The following DCHS2 variants were observed in gnomAD, a reference collection of about 807,000 sequenced individuals.
DCHS2 encodes dachsous cadherin-related 2.
Under a neutral mutation model 182.4 loss-of-function variants are expected in DCHS2, and 142 were observed. The ratio of observed to expected loss-of-function variants is 0.78; its 90% CI spans 0.68 to 0.89. DCHS2 has a LOEUF of 0.89. Ranked by LOEUF, DCHS2 falls within the 40% of genes least tolerant of loss-of-function variation. The pLI is 0.00. For missense variants in DCHS2, 4,319 were observed against 4,198.6 expected (o/e 1.03, Z -0.79); for synonymous variants, 1,740 against 1,663.3 (o/e 1.05, Z -1.12).
In DCHS2 at chr4:154,489,982, A is replaced by G; in HGVS notation, c.1374T>C (p.Leu458=). Reference sequence around the variant, plus strand: ...TGCTCCCGTCTCCAAGACCCACACCAAGCTCCCCTGTGGCCTCATCTTCCT... The same window carrying G: ...TGCTCCCGTCTCCAAGACCCACACCGAGCTCCCCTGTGGCCTCATCTTCCT... The part of the protein sequence containing the change: ...WEKEDEATGE[L]GVGLGDGSIS... Residue 458 remains leucine, a synonymous_variant, in exon 1 of 20, where the codon CTT becomes CTC. Transcript: ENST00000357232. The G allele has an allele frequency of 1.3e-6, 2 of 1,549,224 alleles. No individual in the cohort carries two copies. The highest frequency in any genetic ancestry group is 1.7e-6 in the Non-Finnish European group (2 of 1,146,108).
intron 12 of DCHS2, among the ~76,000 whole-genome samples, chr4:154,302,734 T>C (rs1735250189): frequency 7.2e-6 from 1 of 138,896 alleles, no homozygotes; most frequent in Admixed American, 7.4e-5. Flanking sequence ...TTTGGGACCA[T>C]GAAGAGACAT....
intron 1 of DCHS2, among the ~76,000 whole-genome samples, chr4:154,432,442 TAAC>T (rs1367270015): frequency 6.6e-6 from 1 of 152,192 alleles, no homozygotes; most frequent in East Asian, 1.9e-4. Context: ...TGTGTTGTAA[TAAC>T]AACTATTTCA....
intron 1 of DCHS2, among the ~76,000 whole-genome samples, chr4:154,477,465 C>T (rs1313998062): frequency 1.3e-5 from 2 of 152,138 alleles, no homozygotes; most frequent in Non-Finnish European, 2.9e-5. Flanking sequence ...TTTTGAAATA[C>T]AGAGGACTGG....
At chr4:154,329,089 C>A (rs150685548) in intron 6 of DCHS2, among the ~76,000 whole-genome samples, 3 of 152,150 alleles carry the variant, frequency 2.0e-5, no homozygotes, top group African/African-American at 4.8e-5. Flanking sequence ...AAAGGATCAA[C>A]TTTTACTATC....
chr4:154,344,444 C>T (rs1228562611), intron 3 of DCHS2, among the ~76,000 whole-genome samples: 1 of 152,214 alleles, frequency 6.6e-6, no homozygotes, highest in East Asian at 1.9e-4. Flanking sequence ...CATATCTATA[C>T]ATTCAGTCAC....
intron 1 of DCHS2, among the ~76,000 whole-genome samples, chr4:154,466,523 G>A (rs560187302): frequency 1.3e-5 from 2 of 152,286 alleles, no homozygotes; most frequent in African/African-American, 4.8e-5. Context: ...GAGACCGCTT[G>A]CTGAAAATGC....
chr4:154,359,606 T>C (rs1730025998), intron 3 of DCHS2, among the ~76,000 whole-genome samples: 2 of 152,068 alleles, frequency 1.3e-5, no homozygotes, highest in South Asian at 4.1e-4. Context: ...TTCTTAGTTG[T>C]AGATATTTAT....
chr4:154,271,119 G>A (rs1325857237), intron 13 of DCHS2, among the ~76,000 whole-genome samples: 1 of 152,112 alleles, frequency 6.6e-6, no homozygotes, highest in Non-Finnish European at 1.5e-5. Context: ...GACAATCCTT[G>A]TAATTAGATC....
At chr4:154,366,640 T>TAC (rs1305338367) in intron 2 of DCHS2, among the ~76,000 whole-genome samples, 199 bp from the exon 3 acceptor site, 10 of 151,758 alleles carry the variant, frequency 6.6e-5, no homozygotes, top group South Asian at 6.3e-4. Context: ...TGTGTATATA[T>TAC]ACACACACAC....
At chr4:154,239,570 G>A (rs966591406) in intron 18 of DCHS2, among the ~76,000 whole-genome samples, 11 of 152,236 alleles carry the variant, frequency 7.2e-5, no homozygotes, top group African/African-American at 2.2e-4. Context: ...GTGCAGTGGC[G>A]CAGTCTTAGC....
chr4:154,336,797 T>C (rs994161751), intron 3 of DCHS2, among the ~76,000 whole-genome samples: 2 of 152,200 alleles, frequency 1.3e-5, no homozygotes, highest in African/African-American at 4.8e-5. Flanking sequence ...TTTGACAATT[T>C]GTGATTATAA....
At chr4:154,334,819 A>C (rs1184371746) in intron 4 of DCHS2, 49 bp downstream of exon 4, 1 of 1,461,982 alleles carries the variant, frequency 6.8e-7, no homozygotes, top group Non-Finnish European at 9.5e-7. Context: ...AAAAAACAAG[A>C]AATGTTCCAA....
At chr4:154,299,934 A>G (rs1234504718) in intron 12 of DCHS2, among the ~76,000 whole-genome samples, 4 of 152,194 alleles carry the variant, frequency 2.6e-5, no homozygotes, top group Non-Finnish European at 5.9e-5. Context: ...AAGGGGTGCT[A>G]TTTCTCTGAG....
chr4:154,468,983 G>A (rs1468677467), intron 1 of DCHS2, among the ~76,000 whole-genome samples: 2 of 152,118 alleles, frequency 1.3e-5, no homozygotes, highest in Non-Finnish European at 2.9e-5. Context: ...TAGCCTAATT[G>A]TGGTGATCAT....
chr4:154,439,462 C>T (rs1279502854), intron 1 of DCHS2, among the ~76,000 whole-genome samples: 8 of 152,178 alleles, frequency 5.3e-5, no homozygotes, highest in South Asian at 2.1e-4. Context: ...GTTAATATTA[C>T]ACTGAAGAAC....
At chr4:154,437,178 T>C (rs773070323) in intron 1 of DCHS2, among the ~76,000 whole-genome samples, 2 of 152,140 alleles carry the variant, frequency 1.3e-5, no homozygotes, top group Admixed American at 6.6e-5. Context: ...CCCAGGAGCT[T>C]ATTAAAAATG....
intron 1 of DCHS2, among the ~76,000 whole-genome samples, chr4:154,416,060 A>C (rs884011): frequency 0.011 from 1,666 of 152,310 alleles, 16 homozygotes; most frequent in Non-Finnish European, 0.017. Flanking sequence ...TGAGTACTCA[A>C]AACTTTTATT....
intron 1 of DCHS2, among the ~76,000 whole-genome samples, chr4:154,478,423 A>G (rs1735776168): frequency 6.6e-6 from 1 of 152,232 alleles, no homozygotes; most frequent in Non-Finnish European, 1.5e-5. Context: ...AAAGCATTCA[A>G]CTTTTTACAA....
At chr4:154,275,450 C>T (rs142936255) in intron 13 of DCHS2, among the ~76,000 whole-genome samples, 1 of 152,222 alleles carries the variant, frequency 6.6e-6, no homozygotes, top group Non-Finnish European at 1.5e-5. Flanking sequence ...ATGGTGGAAT[C>T]AAGTTACCAC....
Sources: gnomAD v4.1 joint callset for allele counts (sites outside exome capture counted in the v4.1 genomes callset) on GRCh38, gnomAD v4.1.1 for gene constraint, MANE v1.5 for transcripts, NCBI Gene and HGNC (gene_info 2026-07-23, HGNC 2026-07-21) for gene names.